The following PKD2L2 variants were observed in gnomAD, a reference collection of about 807,000 sequenced individuals.
PKD2L2 encodes the protein polycystin-2-like protein 2.
A neutral mutation model predicts 83.9 loss-of-function variants in PKD2L2; 67 were observed. The ratio of observed to expected loss-of-function variants is 0.80; its 90% confidence interval spans 0.66 to 0.98. The LOEUF (loss-of-function observed/expected upper bound fraction) is 0.98, where lower values mean the gene tolerates loss of function less well. Ranked by LOEUF, PKD2L2 falls within the 50% of genes least tolerant of loss-of-function variation. The pLI, the probability that PKD2L2 is intolerant of heterozygous loss-of-function variation, is 0.00. For missense variants in PKD2L2, 632 were observed against 717.2 expected (o/e 0.88, Z 1.36); for synonymous variants, 223 against 237.8 (o/e 0.94, Z 0.57).
At chr5:137,903,656 T>A (rs1044323816) in intron 5 of PKD2L2, among the ~76,000 whole-genome samples, 2 of 152,220 alleles carry the variant, frequency 1.3e-5, no homozygotes, top group African/African-American at 2.4e-5. Context: ...AAAACTAACA[T>A]ATTGTATGTA....
chr5:137,908,291 G>C (rs915424209), intron 7 of PKD2L2, among the ~76,000 whole-genome samples: 2 of 151,570 alleles, frequency 1.3e-5, no homozygotes, highest in African/African-American at 2.4e-5. Flanking sequence ...CTGGATGACA[G>C]AAAAAAAAGA....
intron 12 of PKD2L2, among the ~76,000 whole-genome samples, chr5:137,934,460 TATA>T (rs1328066647): frequency 1.8e-4 from 27 of 152,208 alleles, no homozygotes; most frequent in Admixed American, 1.8e-3. Flanking sequence ...CCATGGGTGC[TATA>T]ATGTGTCCAA....
At chr5:137,918,193 C>A (rs1182173013) in intron 8 of PKD2L2, among the ~76,000 whole-genome samples, 3 of 152,180 alleles carry the variant, frequency 2.0e-5, no homozygotes, top group Non-Finnish European at 4.4e-5. Flanking sequence ...TGGCTCCATG[C>A]CAAGGATCAC....
chr5:137,892,428 A>AT, intron 2 of PKD2L2, 52 bp from the exon 3 acceptor site: 1 of 1,049,728 alleles, frequency 9.5e-7, no homozygotes, highest in Non-Finnish European at 1.3e-6. Flanking sequence ...TTTAATCCTG[A>AT]TAAGCTGAGT....
Position 137,921,679 on chromosome 5 carries a change from G to T in PKD2L2, c.1372G>T (p.Gly458Cys). The T allele has an allele frequency of 6.2e-7, 1 of 1,602,126 alleles. No individual in the cohort carries two copies. ...RIVLGDFNFA[G>C]IQQANPILGP... is the part of the protein sequence containing the mutation. ...TGTTCTTGGAGATTTTAATTTTGCT[G>T]GTATTCAGCAAGCCAATCCTATCTT... is the stretch of plus-strand genomic sequence containing the variant. Residue 458 changes from glycine to cysteine, a missense_variant, in exon 9 of 15, where the codon GGT becomes TGT. Gly to Cys is a radical substitution (Grantham distance 159). This residue lies in a region of PKD2L2 where 399 missense variants were observed against 416.9 expected (regional missense o/e 0.96). Coordinates refer to ENST00000508883, the MANE Select transcript of PKD2L2 (RefSeq NM_001300921.2).
At chr5:137,889,561 A>AT (rs1234785687) in intron 1 of PKD2L2, 39 bp downstream of exon 1, 2 of 1,509,426 alleles carry the variant, frequency 1.3e-6, no homozygotes, top group South Asian at 2.6e-5. Flanking sequence ...GACAGGGGCG[A>AT]TTTGGCAGTT....
chr5:137,909,378 C>T (rs2097865), intron 8 of PKD2L2, among the ~76,000 whole-genome samples: 47,522 of 151,728 alleles, frequency 0.31, 7,613 homozygotes, highest in South Asian at 0.37. Context: ...TAGGATTTGA[C>T]ATTGAAGGAG....
intron 8 of PKD2L2, among the ~76,000 whole-genome samples, chr5:137,914,083 G>A (rs1020227074): frequency 1.7e-5 from 2 of 116,336 alleles, no homozygotes. Context: ...TAGAGACAAG[G>A]TTTCGCCATG....
intron 12 of PKD2L2, among the ~76,000 whole-genome samples, chr5:137,927,857 A>T (rs1231792097): frequency 6.6e-6 from 1 of 152,166 alleles, no homozygotes; most frequent in Non-Finnish European, 1.5e-5. Context: ...GCCTGGCCTA[A>T]ATTTGATATT....
intron 8 of PKD2L2, among the ~76,000 whole-genome samples, chr5:137,914,031 CTTTTTTTTTTTTTTT>C (rs58118724): frequency 9.7e-4 from 41 of 42,338 alleles, no homozygotes; most frequent in South Asian, 3.6e-3. Context: ...CCACACTTGG[CTTTTTTTTTTTTTTT>C]TTTTTTTTTT....
At chr5:137,909,846 T>G (rs962921715) in intron 8 of PKD2L2, among the ~76,000 whole-genome samples, 7 of 152,028 alleles carry the variant, frequency 4.6e-5, no homozygotes, top group African/African-American at 1.7e-4. Context: ...AAAAGAAATC[T>G]TAAGTGTTTT....
chr5:137,919,165 A>G (rs560570706), intron 8 of PKD2L2, among the ~76,000 whole-genome samples: 33 of 152,326 alleles, frequency 2.2e-4, no homozygotes, highest in Admixed American at 1.2e-3. Flanking sequence ...TAGTTATTTT[A>G]ATTCAATAAG....
At chr5:137,914,492 T>C (rs1758146414) in intron 8 of PKD2L2, among the ~76,000 whole-genome samples, 1 of 152,224 alleles carries the variant, frequency 6.6e-6, no homozygotes, top group Non-Finnish European at 1.5e-5. Context: ...CTACTGTGTG[T>C]ATCTTGCAAC....
At position 137,908,876 on chromosome 5, in the gene PKD2L2, G is replaced by A. The variant is rs758806204; in HGVS notation, c.1258G>A (p.Ala420Thr). ...CATCATGTTTTTTATAATATTCTTT[G>A]CTTATGCCCAGTTAGGATTTCTTGT... Reference protein sequence around the residue: ...FAIMFFIIFFAYAQLGFLVFG... With the variant: ...FAIMFFIIFFTYAQLGFLVFG... The change falls in exon 8 of 15, where the codon GCT (alanine) becomes ACT (threonine). Residue 420 changes from alanine to threonine, a missense_variant. Coordinates refer to ENST00000508883, the MANE Select transcript of PKD2L2 (RefSeq NM_001300921.2). 5.1e-5 allele frequency: 82 copies of A among 1,608,062 alleles called. No individual in the cohort carries two copies. Among genetic ancestry groups the A allele is most frequent in the Non-Finnish European group, 6.8e-5 (80 of 1,175,548 alleles).
At chr5:137,940,087 T>C in intron 14 of PKD2L2, 2 of 1,614,158 alleles carry the variant, frequency 1.2e-6, no homozygotes, top group South Asian at 2.2e-5. Context: ...TTGTTTTGTT[T>C]AGTGGCACCA....
chr5:137,912,520 C>T (rs759667865), intron 8 of PKD2L2, among the ~76,000 whole-genome samples: 1 of 151,966 alleles, frequency 6.6e-6, no homozygotes, highest in Non-Finnish European at 1.5e-5. Flanking sequence ...GCATGCACCA[C>T]CACACCTGGC....
chr5:137,934,695 C>T (rs759377628), intron 12 of PKD2L2, among the ~76,000 whole-genome samples: 1 of 152,082 alleles, frequency 6.6e-6, no homozygotes, highest in African/African-American at 2.4e-5. Context: ...GCCTGTAATC[C>T]CAGCTACTCG....
Position 137,921,617 on chromosome 5 carries a change from C to T in PKD2L2, c.1329-19C>T, listed in dbSNP as rs1310610789. ...TGTACATAAAGGTATATATTTTCTA[C>T]TGTTTTTCTTTCTTAAAGATTTGCA... On this transcript the variant is annotated intron_variant, in intron 8 of 14. Transcript: ENST00000508883. The T allele has an allele frequency of 2.0e-6, 3 of 1,510,076 alleles. No homozygotes were observed. Among genetic ancestry groups the T allele is most frequent in the Non-Finnish European group, 2.7e-6 (3 of 1,094,658 alleles). 93.5% of individuals were successfully genotyped at this position (1,510,076 alleles called of 1,614,324 possible).
rs13436543 is a variant in PKD2L2, at chr5:137,899,125, T to G, written c.525-391T>G. Reference sequence around the variant, plus strand: ...TTGGTTTTTTGTTTGTTTTTGGTTTTGTTTTTGTTTTGAGACAAGGTCTGG... The same window carrying G: ...TTGGTTTTTTGTTTGTTTTTGGTTTGGTTTTTGTTTTGAGACAAGGTCTGG... On this transcript the variant is annotated intron_variant, in intron 4 of 14. Coordinates refer to ENST00000508883, the MANE Select transcript of PKD2L2 (RefSeq NM_001300921.2). Among the ~76,000 whole-genome samples, 783 of 152,300 alleles carry G rather than the reference T, an allele frequency of 5.1e-3. 7 individuals are homozygous for G. The highest frequency in any genetic ancestry group is 0.018 in the African/African-American group (745 of 41,560).
Sources: gnomAD v4.1 joint callset for allele counts (sites outside exome capture counted in the v4.1 genomes callset) on GRCh38, gnomAD v4.1.1 for gene constraint, gnomAD v4.1.1 regional missense constraint, MANE v1.5 for transcripts, NCBI Gene and HGNC (gene_info 2026-07-23, HGNC 2026-07-21) for gene names.